Variants in SPIDR observed in about 807,000 individuals in gnomAD.
SPIDR encodes the protein DNA repair-scaffolding protein.
In SPIDR, 93 loss-of-function variants were observed where a neutral mutation model predicts 104.6. The observed-to-expected ratio is 0.89, with a 90% CI of 0.75 to 1.06. The LOEUF (loss-of-function observed/expected upper bound fraction) is 1.06, where lower values mean the gene tolerates loss of function less well. Ranked by LOEUF, SPIDR falls within the 50% of genes least tolerant of loss-of-function variation. The pLI is 0.00. For missense variants in SPIDR, 1,154 were observed against 1,111.2 expected, an observed-to-expected ratio of 1.04 and a Z score of -0.55; for synonymous variants, 431 against 416.9, an observed-to-expected ratio of 1.03 and a Z score of -0.41.
At chr8:47,573,543 A>T (rs1436381775) in intron 8 of SPIDR, among the ~76,000 whole-genome samples, 1 of 152,172 alleles carries the variant, frequency 6.6e-6, no homozygotes, top group African/African-American at 2.4e-5. Flanking sequence ...GACCAGGGCC[A>T]GGTCTATGTT....
intron 8 of SPIDR, among the ~76,000 whole-genome samples, chr8:47,594,942 G>A (rs1191833032): frequency 6.6e-6 from 1 of 152,112 alleles, no homozygotes; most frequent in African/African-American, 2.4e-5. Context: ...GTTTCAGTGA[G>A]CTGAGACCAT....
At chr8:47,473,578 C>T (rs2075968300) in intron 8 of SPIDR, among the ~76,000 whole-genome samples, 1 of 152,190 alleles carries the variant, frequency 6.6e-6, no homozygotes. Context: ...CATACTTGGT[C>T]CCTCTATTGT....
intron 5 of SPIDR, among the ~76,000 whole-genome samples, chr8:47,392,188 G>C (rs2060680973): frequency 6.6e-6 from 1 of 151,968 alleles, no homozygotes; most frequent in Non-Finnish European, 1.5e-5. Flanking sequence ...TTTGAAGATG[G>C]GGAAACAACC....
chr8:47,446,598 T>G (rs1445027304), intron 8 of SPIDR, among the ~76,000 whole-genome samples: 1 of 151,736 alleles, frequency 6.6e-6, no homozygotes, highest in African/African-American at 2.4e-5. Context: ...TTTTTTTTTT[T>G]TTAAATGAGA....
chr8:47,350,264 G>A (rs1056820658), intron 5 of SPIDR, among the ~76,000 whole-genome samples: 5 of 152,164 alleles, frequency 3.3e-5, no homozygotes, highest in East Asian at 3.8e-4. Context: ...TAAGATTAGC[G>A]ATTTTAAACC....
chr8:47,616,790 A>G (rs1297847961), intron 10 of SPIDR, among the ~76,000 whole-genome samples: 1 of 152,220 alleles, frequency 6.6e-6, no homozygotes, highest in Non-Finnish European at 1.5e-5. Flanking sequence ...ACACATACAT[A>G]ACAATTAATT....
chr8:47,448,754 A>G (rs1168595668), intron 8 of SPIDR, among the ~76,000 whole-genome samples: 2 of 152,104 alleles, frequency 1.3e-5, no homozygotes, highest in Admixed American at 1.3e-4. Context: ...GTGATGCCCT[A>G]TCTGAGCTAA....
rs572123819 is a variant in SPIDR at position 47,380,600 on chromosome 8, G to T, written c.526-15776G>T. Among the ~76,000 whole-genome samples, 79 of 152,122 alleles carry T rather than the reference G, an allele frequency of 5.2e-4. No homozygotes were observed. The South Asian group carries it at 7.5e-3, about 14-fold the overall frequency. The stretch of plus-strand genomic sequence containing the variant: ...TTTCTCCTTGGGCTCCTCAGAGCAG[G>T]TGCCAGGCTGACGATAGGTGGAGGG... On this transcript the variant is annotated intron_variant, in intron 5 of 19. Coordinates refer to ENST00000297423, the MANE Select transcript of SPIDR (RefSeq NM_001080394.4).
At chr8:47,593,844 C>G (rs1055974408) in intron 8 of SPIDR, among the ~76,000 whole-genome samples, 6 of 152,148 alleles carry the variant, frequency 3.9e-5, no homozygotes. Flanking sequence ...AGCCTTGTTG[C>G]TGTTCCTCAC....
intron 8 of SPIDR, among the ~76,000 whole-genome samples, chr8:47,452,434 C>T (rs1208614500): frequency 6.6e-6 from 1 of 152,130 alleles, no homozygotes; most frequent in Non-Finnish European, 1.5e-5. Context: ...GACCAATATC[C>T]CTGATGAACA....
intron 3 of SPIDR, among the ~76,000 whole-genome samples, chr8:47,286,233 G>T (rs1311871221): frequency 6.6e-6 from 1 of 152,114 alleles, no homozygotes; most frequent in Non-Finnish European, 1.5e-5. Context: ...ACGCATAATG[G>T]TTAAGAACAT....
intron 10 of SPIDR, among the ~76,000 whole-genome samples, chr8:47,627,265 C>G (rs2066311002): frequency 6.6e-6 from 1 of 152,044 alleles, no homozygotes; most frequent in South Asian, 2.1e-4. Flanking sequence ...GGAGGGATAG[C>G]ATTAGGAGAT....
chr8:47,678,892 G>A (rs1227212800), intron 11 of SPIDR, among the ~76,000 whole-genome samples: 3 of 152,204 alleles, frequency 2.0e-5, no homozygotes, highest in Non-Finnish European at 2.9e-5. Context: ...GCCAAGCTCA[G>A]TCAACATGCT....
chr8:47,633,910 T>C (rs975259662), intron 10 of SPIDR, among the ~76,000 whole-genome samples: 1 of 151,596 alleles, frequency 6.6e-6, no homozygotes, highest in African/African-American at 2.4e-5. Context: ...CTGAGCAACA[T>C]GGCAAAACCT....
chr8:47,559,609 G>A (rs1002394377), intron 8 of SPIDR, among the ~76,000 whole-genome samples: 1 of 152,220 alleles, frequency 6.6e-6, no homozygotes, highest in African/African-American at 2.4e-5. Flanking sequence ...TTAAATGCAA[G>A]TGTTGTTGAG....
intron 5 of SPIDR, among the ~76,000 whole-genome samples, chr8:47,363,496 T>A (rs1423581955): frequency 1.4e-4 from 12 of 86,782 alleles, no homozygotes; most frequent in Non-Finnish European, 2.8e-4. Context: ...CGCCCAACCT[T>A]TTTTAAAAAA....
intron 11 of SPIDR, 141 bp from the exon 12 acceptor site, chr8:47,700,262 C>A: frequency 1.2e-6 from 1 of 853,076 alleles, no homozygotes; most frequent in South Asian, 1.5e-5. Context: ...TGCCTTCTTC[C>A]CCCTCTGAAT....
chr8:47,417,015 C>CCAGT (rs762672981), intron 7 of SPIDR, among the ~76,000 whole-genome samples: 6 of 152,162 alleles, frequency 3.9e-5, no homozygotes, highest in Non-Finnish European at 7.3e-5. Flanking sequence ...TTTTCTTAAT[C>CCAGT]CAGTCTATGA....
chr8:47,313,253 C>A (rs1303801693), intron 5 of SPIDR, among the ~76,000 whole-genome samples: 3 of 152,178 alleles, frequency 2.0e-5, no homozygotes, highest in African/African-American at 7.2e-5. Flanking sequence ...CACAAGCATT[C>A]TTCTAGACCA....
Sources: gnomAD v4.1 joint callset for allele counts (sites outside exome capture counted in the v4.1 genomes callset) on GRCh38, gnomAD v4.1.1 for gene constraint, MANE v1.5 for transcripts, NCBI Gene and HGNC (gene_info 2026-07-23, HGNC 2026-07-21) for gene names.